Variants in LRRC4C observed in about 807,000 individuals in gnomAD.
LRRC4C encodes the protein leucine-rich repeat-containing protein 4C.
A neutral mutation model predicts 33.6 loss-of-function variants in LRRC4C; 5 were observed. The ratio of observed to expected loss-of-function variants is 0.15; its 90% CI spans 0.08 to 0.31. The LOEUF is 0.31. LRRC4C is among the 10% of genes least tolerant of loss of function. LRRC4C has a pLI of 1.00. For missense variants in LRRC4C, 560 were observed against 796.7 expected, an observed-to-expected ratio of 0.70 and a Z score of 3.58; for synonymous variants, 329 against 302.0, an observed-to-expected ratio of 1.09 and a Z score of -0.93.
intron 4 of LRRC4C, among the ~76,000 whole-genome samples, chr11:40,296,037 G>A (rs954251497): frequency 6.6e-6 from 1 of 152,144 alleles, no homozygotes; most frequent in Non-Finnish European, 1.5e-5. Flanking sequence ...GATTTTGACA[G>A]CAAAGGAAGG....
chr11:40,657,887 G>T (rs1495316), intron 2 of LRRC4C, among the ~76,000 whole-genome samples: 25,707 of 152,094 alleles, frequency 0.17, 2,540 homozygotes, highest in Admixed American at 0.26. Flanking sequence ...CTTCCACTTA[G>T]CTTCATGTCC....
At chr11:40,430,122 T>C (rs926035551) in intron 3 of LRRC4C, among the ~76,000 whole-genome samples, 1 of 152,050 alleles carries the variant, frequency 6.6e-6, no homozygotes, top group Non-Finnish European at 1.5e-5. Flanking sequence ...TGTGCTTTTA[T>C]TGGGCTTTAC....
intron 3 of LRRC4C, among the ~76,000 whole-genome samples, chr11:40,645,717 G>GT (rs1462729325): frequency 6.6e-6 from 1 of 152,128 alleles, no homozygotes; most frequent in African/African-American, 2.4e-5. Context: ...TTTTCAGGCT[G>GT]TAACACTGGC....
At chr11:41,312,961 G>A (rs1950684394) in intron 1 of LRRC4C, among the ~76,000 whole-genome samples, 2 of 152,130 alleles carry the variant, frequency 1.3e-5, no homozygotes, top group African/African-American at 4.8e-5. Flanking sequence ...TCAAGACTGG[G>A]GCCATTTTGC....
chr11:40,530,738 A>T (rs16934907), intron 3 of LRRC4C, among the ~76,000 whole-genome samples: 13,367 of 152,172 alleles, frequency 0.088, 1,664 homozygotes, highest in African/African-American at 0.28. Context: ...CGTCACAAAT[A>T]ATTACTATCA....
rs183843351 is a variant in LRRC4C at position 41,088,937 on chromosome 11, A to G, written c.-495-155214T>C. 2.6e-5 allele frequency among the ~76,000 whole-genome samples: 4 copies of G among 152,190 alleles called. No individual in the cohort carries two copies. In the East Asian group the frequency reaches 7.7e-4, roughly 29 times the overall value. The stretch of plus-strand genomic sequence containing the variant: ...TTAGATAACCGAAACATAGAAAACT[A>G]TTTAAGAGATACATAATATTCCCAA... On this transcript the variant is annotated intron_variant, in intron 1 of 6. Transcript: ENST00000528697.
At chr11:40,252,615 T>C (rs774974597) in intron 4 of LRRC4C, among the ~76,000 whole-genome samples, 14 of 152,230 alleles carry the variant, frequency 9.2e-5, no homozygotes, top group Non-Finnish European at 1.6e-4. Context: ...GGAGCAGAGA[T>C]AGCTCGAAAC....
intron 1 of LRRC4C, among the ~76,000 whole-genome samples, chr11:41,071,584 A>G (rs1938688830): frequency 6.6e-6 from 1 of 152,184 alleles, no homozygotes; most frequent in Non-Finnish European, 1.5e-5. Context: ...CTCAGAAAAA[A>G]TGATTCTGGT....
In LRRC4C at chr11:40,437,247, C is replaced by T. The variant is rs77961765; in HGVS notation, c.-269-117526G>A. Among the ~76,000 whole-genome samples the T allele has an allele frequency of 7.9e-3, 1,205 of 152,222 alleles. 16 individuals carry two copies. The highest frequency in any genetic ancestry group is 0.027 in the African/African-American group (1,121 of 41,528). ...ATTAGGTCAACCTGCATCATTGTTT[C>T]ACATATACACATTGTAATTGCAGAT... On this transcript the variant is annotated intron_variant, in intron 3 of 6. Coordinates refer to ENST00000528697, the MANE Select transcript of LRRC4C (RefSeq NM_001258419.2).
intron 2 of LRRC4C, among the ~76,000 whole-genome samples, chr11:40,683,874 A>C (rs1304277200): frequency 6.6e-6 from 1 of 152,188 alleles, no homozygotes; most frequent in Admixed American, 6.6e-5. Flanking sequence ...AACTCTGCTA[A>C]AACGCCAGGC....
intron 1 of LRRC4C, among the ~76,000 whole-genome samples, chr11:41,163,578 C>T (rs1944580415): frequency 6.6e-6 from 1 of 151,206 alleles, no homozygotes; most frequent in Admixed American, 6.6e-5. Context: ...GCCACCACAC[C>T]TGGCAAGTTT....
chr11:40,567,715 G>T (rs1392198046), intron 3 of LRRC4C, among the ~76,000 whole-genome samples: 1 of 152,166 alleles, frequency 6.6e-6, no homozygotes, highest in Admixed American at 6.5e-5. Context: ...TGGGTTAATG[G>T]TCTTTCTGCT....
intron 1 of LRRC4C, among the ~76,000 whole-genome samples, chr11:41,108,958 C>T (rs1941670100): frequency 6.6e-6 from 1 of 152,068 alleles, no homozygotes; most frequent in African/African-American, 2.4e-5. Context: ...ATTCAGAGCA[C>T]ATTGGTGAGC....
intron 3 of LRRC4C, among the ~76,000 whole-genome samples, chr11:40,372,850 G>A (rs1421257137): frequency 7.9e-5 from 12 of 152,128 alleles, no homozygotes; most frequent in Admixed American, 7.2e-4. Flanking sequence ...GCCCTGATAC[G>A]ACTGGTTAGA....
At chr11:40,647,877 T>C (rs1421561644) in intron 3 of LRRC4C, among the ~76,000 whole-genome samples, 1 of 152,182 alleles carries the variant, frequency 6.6e-6, no homozygotes, top group African/African-American at 2.4e-5. Context: ...CCCTTCTGCA[T>C]AAATCACTAC....
intron 4 of LRRC4C, among the ~76,000 whole-genome samples, chr11:40,303,355 A>T (rs2136682115): frequency 6.6e-6 from 1 of 152,260 alleles, no homozygotes; most frequent in South Asian, 2.1e-4. Flanking sequence ...GGCCATGCAT[A>T]ACTCTCAATC....
At chr11:40,294,710 C>T (rs1590932976) in intron 4 of LRRC4C, among the ~76,000 whole-genome samples, 1 of 152,124 alleles carries the variant, frequency 6.6e-6, no homozygotes, top group African/African-American at 2.4e-5. Flanking sequence ...GTCTGTAATC[C>T]CAGCTACTCG....
At chr11:40,431,535 C>A (rs760721821) in intron 3 of LRRC4C, among the ~76,000 whole-genome samples, 3 of 152,040 alleles carry the variant, frequency 2.0e-5, no homozygotes, top group Non-Finnish European at 4.4e-5. Context: ...CCCATGCCTA[C>A]CACCTCTGTT....
At chr11:40,692,164 G>A (rs72896609) in intron 2 of LRRC4C, among the ~76,000 whole-genome samples, 1 of 152,046 alleles carries the variant, frequency 6.6e-6, no homozygotes, top group East Asian at 1.9e-4. Context: ...AAATGAACCC[G>A]AGAGAGATCA....
Sources: gnomAD v4.1 joint callset for allele counts (sites outside exome capture counted in the v4.1 genomes callset) on GRCh38, gnomAD v4.1.1 for gene constraint, MANE v1.5 for transcripts, NCBI Gene and HGNC (gene_info 2026-07-23, HGNC 2026-07-21) for gene names.